RPS6KA2: variants seen among roughly 807,000 people sequenced by gnomAD.
RPS6KA2 encodes the protein ribosomal protein S6 kinase alpha-2.
Under a neutral mutation model 91.8 loss-of-function variants are expected in RPS6KA2, and 42 were observed. The ratio of observed to expected loss-of-function variants is 0.46; its 90% CI spans 0.36 to 0.59. The LOEUF (loss-of-function observed/expected upper bound fraction) is 0.59. Among genes scored for constraint, RPS6KA2 ranks in the 20% least tolerant of loss-of-function variants. The pLI is 0.00. For synonymous variants in RPS6KA2, 414 were observed against 393.6 expected (o/e 1.05, Z -0.61); for missense variants, 798 against 978.5 (o/e 0.82, Z 2.46).
intron 1 of RPS6KA2, among the ~76,000 whole-genome samples, chr6:166,555,489 G>A (rs1296726096): frequency 2.0e-5 from 3 of 152,110 alleles, no homozygotes; most frequent in Admixed American, 6.5e-5. Context: ...AAGTCACCCT[G>A]TACTCTTCCA....
intron 2 of RPS6KA2, among the ~76,000 whole-genome samples, chr6:166,762,304 A>C (rs1481865375): frequency 1.3e-5 from 2 of 152,130 alleles, no homozygotes; most frequent in Non-Finnish European, 2.9e-5. Flanking sequence ...CAGCCATGTC[A>C]GCTCAACCTT....
chr6:166,461,265 A>G (rs1780277517), intron 11 of RPS6KA2, among the ~76,000 whole-genome samples: 1 of 152,148 alleles, frequency 6.6e-6, no homozygotes, highest in South Asian at 2.1e-4. Flanking sequence ...TTCAGAAATG[A>G]AAAGACGCTG....
intron 1 of RPS6KA2, among the ~76,000 whole-genome samples, chr6:166,613,948 C>T (rs2128535188): frequency 6.6e-6 from 1 of 152,342 alleles, no homozygotes; most frequent in East Asian, 1.9e-4. Flanking sequence ...GCTTTGGGCT[C>T]TCACAGCCCA....
At chr6:166,756,566 G>A (rs964428592) in intron 2 of RPS6KA2, among the ~76,000 whole-genome samples, 16 of 152,246 alleles carry the variant, frequency 1.1e-4, no homozygotes, top group African/African-American at 2.6e-4. Context: ...GGGCAATCTC[G>A]GCTGGGTGTG....
chr6:166,432,486 A>G lies in RPS6KA2; in HGVS notation c.1337T>C (p.Ile446Thr), dbSNP rs746866176. Residue 446 changes from isoleucine to threonine, a missense_variant, in exon 15 of 21, where the codon ATT (isoleucine) becomes ACT (threonine). By Grantham distance (89) the Ile-to-Thr change is moderately conservative. Transcript: ENST00000265678. The stretch of plus-strand genomic sequence containing the variant: ...CGAGGGGTCTCTCTTGCTCTTATCA[A>G]TGATCTGGAACAAACACAGCACATG... The part of the protein sequence containing the change: ...ATDTEYAVKI[I>T]DKSKRDPSEE... 3.1e-6 allele frequency: 5 copies of G among 1,608,350 alleles called. No homozygotes were observed. The highest frequency in any genetic ancestry group is 4.3e-6 in the Non-Finnish European group (5 of 1,174,956).
Position 166,473,209 on chromosome 6 carries a change from T to C in RPS6KA2, c.908-3304A>G, listed in dbSNP as rs185138723. Reference sequence around the variant, plus strand: ...CCTGTGAATGGATTTTTTTTTTTATTTTGGGGGGATTCATTCTGTCGCCCA... The same window carrying C: ...CCTGTGAATGGATTTTTTTTTTTATCTTGGGGGGATTCATTCTGTCGCCCA... On this transcript the variant is annotated intron_variant, in intron 10 of 20. Transcript: ENST00000265678. 2.8e-3 allele frequency among the ~76,000 whole-genome samples: 431 copies of C among 152,210 alleles called. 3 individuals are homozygous for C. Among genetic ancestry groups the C allele is most frequent in the African/African-American group, 0.01 (421 of 41,534 alleles).
intron 2 of RPS6KA2, among the ~76,000 whole-genome samples, chr6:166,813,715 C>T (rs1562453151): frequency 6.6e-6 from 1 of 152,202 alleles, no homozygotes; most frequent in Non-Finnish European, 1.5e-5. Context: ...GGCTTTCTCC[C>T]TGTGAGTCCG....
intron 2 of RPS6KA2, among the ~76,000 whole-genome samples, chr6:166,739,185 C>T (rs1318278691): frequency 6.6e-6 from 1 of 152,198 alleles, no homozygotes; most frequent in Non-Finnish European, 1.5e-5. Flanking sequence ...TCAGATTTAA[C>T]TTGTCTAAAC....
chr6:166,758,040 G>A (rs1778066867), intron 2 of RPS6KA2: 1 of 160,406 alleles, frequency 6.2e-6, no homozygotes, highest in African/African-American at 2.4e-5. Flanking sequence ...GCAGGCCTGA[G>A]GTCCTCCTCA....
chr6:166,438,351 G>A (rs139032821), intron 14 of RPS6KA2, among the ~76,000 whole-genome samples: 232 of 152,278 alleles, frequency 1.5e-3, no homozygotes, highest in Non-Finnish European at 2.5e-3. Context: ...ACGGTCTCAC[G>A]TGAGTACAGA....
intron 2 of RPS6KA2, among the ~76,000 whole-genome samples, chr6:166,813,169 A>T (rs1366278549): frequency 1.3e-5 from 2 of 151,896 alleles, no homozygotes; most frequent in African/African-American, 4.8e-5. Context: ...CATATCACAC[A>T]TGGGGGAGGT....
chr6:166,520,234 C>T (rs541482755), intron 3 of RPS6KA2, among the ~76,000 whole-genome samples: 1 of 152,296 alleles, frequency 6.6e-6, no homozygotes, highest in African/African-American at 2.4e-5. Flanking sequence ...TCTCCTGGTT[C>T]TCAGGACTTT....
chr6:166,643,893 G>A (rs904324140), intron 2 of RPS6KA2, among the ~76,000 whole-genome samples: 7 of 152,200 alleles, frequency 4.6e-5, no homozygotes, highest in Admixed American at 1.3e-4. Flanking sequence ...TTATTAGACT[G>A]TAAACCCTGT....
chr6:166,505,667 C>A (rs1462252565), intron 5 of RPS6KA2, among the ~76,000 whole-genome samples: 1 of 152,248 alleles, frequency 6.6e-6, no homozygotes, highest in Non-Finnish European at 1.5e-5. Context: ...CGGGCACCCG[C>A]TTCACACAGG....
chr6:166,522,485 G>A (rs780827396), intron 3 of RPS6KA2, among the ~76,000 whole-genome samples: 1 of 152,234 alleles, frequency 6.6e-6, no homozygotes, highest in Non-Finnish European at 1.5e-5. Context: ...GCTCGATGAT[G>A]CTTTGTGGTT....
rs1343048222 is a variant in RPS6KA2 at position 166,603,478 on chromosome 6, C to T, written c.99+23443G>A. Among the ~76,000 whole-genome samples, 1 of 152,130 alleles carries T rather than the reference C, an allele frequency of 6.6e-6. No individual in the cohort carries two copies. The highest frequency in any genetic ancestry group is 1.5e-5 in the Non-Finnish European group (1 of 68,032). ...GTGGGATGTGGGATCTGAAAGGCTT[C>T]ATTTGGCCTCATAAATGGGATTAGC... On this transcript the variant is annotated intron_variant, in intron 1 of 20. Transcript: ENST00000265678. The surrounding 1 kb of genome is among the most constrained non-coding windows in gnomAD (Gnocchi z 4.3).
chr6:166,717,603 G>A (rs1264848651), intron 2 of RPS6KA2, among the ~76,000 whole-genome samples: 5 of 152,216 alleles, frequency 3.3e-5, no homozygotes, highest in African/African-American at 4.8e-5. Flanking sequence ...TTGGAGCAGC[G>A]TGGGGTTGGA....
In RPS6KA2 at chr6:166,515,612, G is replaced by A. The variant is rs16899050; in HGVS notation, c.299-5255C>T. Among the ~76,000 whole-genome samples the A allele has an allele frequency of 9.8e-3, 1,460 of 148,814 alleles. 27 individuals carry two copies. Among genetic ancestry groups the A allele is most frequent in the African/African-American group, 0.037 (1,412 of 38,130 alleles). Reference sequence around the variant, plus strand: ...CTCTCAACACAAGCTGGAGATTGCCGAATGGAGCTCTTGTATCTACTACCC... The same window carrying A: ...CTCTCAACACAAGCTGGAGATTGCCAAATGGAGCTCTTGTATCTACTACCC... On this transcript the variant is annotated intron_variant, in intron 3 of 20. Coordinates refer to ENST00000265678, the MANE Select transcript of RPS6KA2 (RefSeq NM_021135.6).
rs745328817 is a variant in RPS6KA2 at position 166,855,511 on chromosome 6, GAAGAAT to G, written c.123+2683_123+2688del. Among the ~76,000 whole-genome samples, 5 of 137,880 alleles carry G rather than the reference GAAGAAT, an allele frequency of 3.6e-5. No homozygotes were observed. The East Asian group carries it at 1.2e-3, about 33-fold the overall frequency. 90.5% of individuals were successfully genotyped at this position (137,880 alleles called of 152,430 possible). A position where few individuals can be genotyped will look rare whatever the true frequency, so the allele number is the denominator to read the frequency against. ...AGAGGAAGAAGAAGAGGAAGAAGAA[GAAGAAT>G]AAGAAGGGTTTTGTGATTGTGGTTC... On this transcript the variant is annotated intron_variant, in intron 2 of 21. Transcript: ENST00000503859.
Sources: gnomAD v4.1 joint callset for allele counts (sites outside exome capture counted in the v4.1 genomes callset) on GRCh38, gnomAD v4.1.1 for gene constraint, Gnocchi (gnomAD v3.1) non-coding constraint, MANE v1.5 for transcripts, NCBI Gene and HGNC (gene_info 2026-07-23, HGNC 2026-07-21) for gene names.